The following CD96 variants were observed in gnomAD, a reference collection of about 807,000 sequenced individuals.
The protein encoded by CD96 is CD96 molecule, also known as T-cell surface protein tactile.
Under a neutral mutation model 71.3 loss-of-function variants are expected in CD96, and 70 were observed. The observed-to-expected ratio is 0.98, with a 90% CI of 0.81 to 1.20. CD96 has a LOEUF of 1.20. Ranked by LOEUF, CD96 falls within the 50% of genes most tolerant of loss-of-function variation. The probability of loss-of-function intolerance (pLI) is 0.00; values close to 1 mark genes in which losing one functional copy is unlikely to be tolerated. For synonymous variants in CD96, 248 were observed against 233.0 expected, an observed-to-expected ratio of 1.06 and a Z score of -0.59; for missense variants, 742 against 677.5, an observed-to-expected ratio of 1.10 and a Z score of -1.06.
intron 2 of CD96, among the ~76,000 whole-genome samples, chr3:111,548,992 A>G (rs964637306): frequency 1.3e-5 from 2 of 152,344 alleles, no homozygotes; most frequent in Non-Finnish European, 2.9e-5. Flanking sequence ...AGAAGTTGAC[A>G]TTCATCAAAT....
At chr3:111,581,775 G>A (rs561601476) in intron 4 of CD96, among the ~76,000 whole-genome samples, 1 of 152,166 alleles carries the variant, frequency 6.6e-6, no homozygotes, top group Non-Finnish European at 1.5e-5. Context: ...TTGTTAACAG[G>A]AGGTAAGAGA....
At chr3:111,542,401 G>GAAATTGATCACCACTGCTA in intron 1 of CD96, 92 bp downstream of exon 1, 1 of 972,426 alleles carries the variant, frequency 1.0e-6, no homozygotes, top group Non-Finnish European at 1.7e-6. Flanking sequence ...GACTGCTGCT[G>GAAATTGATCACCACTGCTA]AAATTGATCA....
At chr3:111,630,160 T>C (rs1938986555) in intron 10 of CD96, among the ~76,000 whole-genome samples, 1 of 151,750 alleles carries the variant, frequency 6.6e-6, no homozygotes, top group African/African-American at 2.4e-5. Flanking sequence ...ATAACCAAGA[T>C]TGGAACTGAA....
At chr3:111,551,317 T>C (rs1934690028) in intron 2 of CD96, among the ~76,000 whole-genome samples, 1 of 152,104 alleles carries the variant, frequency 6.6e-6, no homozygotes, top group South Asian at 2.1e-4. Context: ...AGAGTCCAGG[T>C]ATTGGAGAAG....
At chr3:111,639,717 A>G (rs1454873740) in intron 12 of CD96, among the ~76,000 whole-genome samples, 1 of 152,176 alleles carries the variant, frequency 6.6e-6, no homozygotes, top group Non-Finnish European at 1.5e-5. Context: ...AAGGACCCTC[A>G]CAGAGTCCAT....
intron 8 of CD96, among the ~76,000 whole-genome samples, chr3:111,616,107 C>T (rs915612899): frequency 2.0e-5 from 3 of 152,082 alleles, no homozygotes; most frequent in African/African-American, 7.2e-5. Context: ...GTATTTTCTC[C>T]ATAACACATT....
At chr3:111,593,592 G>A (rs181400868) in intron 5 of CD96, 38 of 1,550,348 alleles carry the variant, frequency 2.5e-5, no homozygotes, top group East Asian at 6.8e-5. Flanking sequence ...TCTTTCTCCC[G>A]CTGGCATGCC....
intron 2 of CD96, among the ~76,000 whole-genome samples, chr3:111,562,199 G>T (rs930438897): frequency 6.6e-6 from 1 of 152,168 alleles, no homozygotes; most frequent in Non-Finnish European, 1.5e-5. Flanking sequence ...GCTGTAGACC[G>T]GAGCTGTTCC....
intron 11 of CD96, among the ~76,000 whole-genome samples, 197 bp from the exon 12 acceptor site, chr3:111,637,882 T>G (rs1939410056): frequency 6.6e-6 from 1 of 152,124 alleles, no homozygotes; most frequent in African/African-American, 2.4e-5. Flanking sequence ...TTTTATTCCT[T>G]TGGCAATTGT....
Position 111,574,509 on chromosome 3 carries a change from C to T in CD96, c.544-4518C>T, listed in dbSNP as rs1021275789. On this transcript the variant is annotated intron_variant, in intron 3 of 13. Coordinates refer to ENST00000352690, the MANE Select transcript of CD96 (RefSeq NM_005816.5). ...CTGTTCTAAATTGAAAATTTTGATT[C>T]TAGTTCAAAAACAAAGCCTAAATGA... 2.6e-5 allele frequency among the ~76,000 whole-genome samples: 4 copies of T among 152,114 alleles called. No homozygotes were observed. In the South Asian group the frequency reaches 8.3e-4, roughly 31 times the overall value.
chr3:111,617,281 C>T (rs1938289442), intron 8 of CD96, among the ~76,000 whole-genome samples: 1 of 151,964 alleles, frequency 6.6e-6, no homozygotes. Context: ...CACCTTCAGG[C>T]CAGGCATGGC....
intron 2 of CD96, among the ~76,000 whole-genome samples, chr3:111,561,868 G>A (rs1935441696): frequency 6.6e-6 from 1 of 151,048 alleles, no homozygotes; most frequent in African/African-American, 2.4e-5. Context: ...GAGATTCCGT[G>A]GGCGTAGGAC....
At chr3:111,656,520 C>T (rs1940233303), downstream of CD96, among the ~76,000 whole-genome samples, 1 of 152,148 alleles carries the variant, frequency 6.6e-6, no homozygotes, top group African/African-American at 2.4e-5. Context: ...CACCATGAAA[C>T]TCAGCCTCCA....
rs1936669406 is a variant in CD96 at position 111,585,489 on chromosome 3, C to A, written c.807+111C>A. ...AGAACTTTACTCCTTGGCCCTTGAC[C>A]AATTAACTGCTAATAGGGATGAAGG... is the stretch of plus-strand genomic sequence containing the variant. On this transcript the variant is annotated intron_variant, in intron 5 of 13. Transcript: ENST00000352690. 3 of 721,118 alleles carry A rather than the reference C, an allele frequency of 4.2e-6. No homozygotes were observed. The East Asian group carries it at 8.2e-5, about 20-fold the overall frequency. The allele number at this position is 721,118 out of a possible 1,614,324, so 44.7% of individuals were successfully genotyped here.
At chr3:111,665,119 C>T (rs1382522581) in intron 14 of CD96, among the ~76,000 whole-genome samples, 3 of 151,704 alleles carry the variant, frequency 2.0e-5, no homozygotes, top group Non-Finnish European at 4.4e-5. Flanking sequence ...AAGCAAATGA[C>T]AAAGTAAAGG....
chr3:111,658,191 T>G (rs1940277581), intron 14 of CD96, among the ~76,000 whole-genome samples: 1 of 152,160 alleles, frequency 6.6e-6, no homozygotes, highest in Non-Finnish European at 1.5e-5. Flanking sequence ...CAGAAGGATA[T>G]AGGAGTCAGT....
intron 2 of CD96, among the ~76,000 whole-genome samples, chr3:111,562,307 T>C (rs1001064170): frequency 7.9e-5 from 12 of 152,242 alleles, no homozygotes; most frequent in Admixed American, 2.6e-4. Context: ...ATTACCTTTT[T>C]TCCTTATTAT....
chr3:111,609,779 C>A (rs1173509513), intron 8 of CD96, among the ~76,000 whole-genome samples: 1 of 152,154 alleles, frequency 6.6e-6, no homozygotes, highest in Non-Finnish European at 1.5e-5. Context: ...ACTCAAAAGA[C>A]CTCCGTAAAA....
intron 3 of CD96, among the ~76,000 whole-genome samples, chr3:111,573,171 ATATAGT>A (rs1316973040): frequency 6.6e-6 from 1 of 152,220 alleles, no homozygotes; most frequent in African/African-American, 2.4e-5. Flanking sequence ...GGACATAAGC[ATATAGT>A]CATGAGGGAA....
Sources: gnomAD v4.1 joint callset for allele counts (sites outside exome capture counted in the v4.1 genomes callset) on GRCh38, gnomAD v4.1.1 for gene constraint, MANE v1.5 for transcripts, NCBI Gene and HGNC (gene_info 2026-07-23, HGNC 2026-07-21) for gene names.